Variants in MAGEC3 observed in about 807,000 individuals in gnomAD.
MAGEC3 encodes melanoma-associated antigen C3.
A neutral mutation model predicts 35.3 loss-of-function variants in MAGEC3; 34 were observed. The observed-to-expected ratio is 0.96, with a 90% CI of 0.73 to 1.28. The LOEUF (loss-of-function observed/expected upper bound fraction) is 1.28, where lower values mean the gene tolerates loss of function less well. Ranked by LOEUF, MAGEC3 falls within the 50% of genes most tolerant of loss-of-function variation. MAGEC3 has a pLI of 0.00. For synonymous variants in MAGEC3, 202 were observed against 185.6 expected (o/e 1.09, Z -0.72); for missense variants, 561 against 483.6 (o/e 1.16, Z -1.50).
intron 1 of MAGEC3, among the ~76,000 whole-genome samples, chrX:141,853,958 A>G (rs2017765913): frequency 9.0e-6 from 1 of 111,477 alleles, no homozygotes; most frequent in Admixed American, 9.6e-5. Context: ...ATAAGGATGT[A>G]TGTGACTTTG....
At chrX:141,860,801 G>T (rs1309920672) in intron 1 of MAGEC3, among the ~76,000 whole-genome samples, 1 of 111,684 alleles carries the variant, frequency 9.0e-6, no homozygotes, top group Non-Finnish European at 1.9e-5. Flanking sequence ...AGGAGTGGTG[G>T]TGGGGAATGT....
At position 141,897,037 on chromosome X, in the gene MAGEC3, C is replaced by T. The variant is rs1454142388; in HGVS notation, c.1279C>T (p.Arg427Ter). 5.8e-6 allele frequency: 7 copies of T among 1,209,134 alleles called. No individual in the cohort carries two copies. The East Asian group carries it at 8.9e-5, about 15-fold the overall frequency. The change falls in exon 7 of 8, where the codon CGA becomes TGA. Residue 427 changes from arginine (R) to a stop codon, truncating the protein, a stop_gained. Coordinates refer to ENST00000298296, the MANE Select transcript of MAGEC3 (RefSeq NM_138702.1). LOFTEE classifies it high-confidence loss of function. ...DSCSSPLLWT[R>*]LDEESSSEEE... ...CTGCTCATCCCCTCTTTTGTGGACC[C>T]GATTGGATGAGGAGTCCAGCAGTGA...
chrX:141,874,835 G>T (rs1271254525), intron 2 of MAGEC3, among the ~76,000 whole-genome samples: 2 of 106,827 alleles, frequency 1.9e-5, no homozygotes, highest in African/African-American at 6.8e-5. Flanking sequence ...AAAAAAAGTA[G>T]ATAAAGAAAA....
chrX:141,860,967 A>T (rs752036773), intron 1 of MAGEC3, among the ~76,000 whole-genome samples: 3 of 111,829 alleles, frequency 2.7e-5, no homozygotes, highest in Non-Finnish European at 5.6e-5. Flanking sequence ...ATTGAGTTGG[A>T]GACCATTTGT....
chrX:141,886,566 T>C (rs1350618957), intron 4 of MAGEC3, among the ~76,000 whole-genome samples: 1 of 111,314 alleles, frequency 9.0e-6, no homozygotes, highest in East Asian at 2.8e-4. Context: ...GACATTTTGG[T>C]CCTCCAGTTA....
At chrX:141,851,823 A>G (rs763677199) in intron 1 of MAGEC3, among the ~76,000 whole-genome samples, 1 of 111,596 alleles carries the variant, frequency 9.0e-6, no homozygotes, top group Non-Finnish European at 1.9e-5. Flanking sequence ...TCAGTATCAT[A>G]CAGTTTTAAT....
intron 1 of MAGEC3, among the ~76,000 whole-genome samples, chrX:141,859,531 T>C (rs183059164): frequency 1.8e-5 from 2 of 111,813 alleles, no homozygotes; most frequent in Admixed American, 1.9e-4. Context: ...CCGTTATCTG[T>C]ATTTTAAAAA....
intron 1 of MAGEC3, among the ~76,000 whole-genome samples, chrX:141,863,693 A>T (rs1332021760): frequency 1.8e-5 from 2 of 111,693 alleles, no homozygotes; most frequent in Non-Finnish European, 3.8e-5. Context: ...AATAAAAAAG[A>T]TATACAGATC....
chrX:141,879,551 G>A, intron 3 of MAGEC3, 120 bp downstream of exon 3: 2 of 895,959 alleles, frequency 2.2e-6, no homozygotes, highest in Non-Finnish European at 1.5e-6. Context: ...GGTGGAGGGG[G>A]CCCAGGAGAT....
At chrX:141,891,765 C>A (rs1480294049) in intron 4 of MAGEC3, among the ~76,000 whole-genome samples, 3 of 103,964 alleles carry the variant, frequency 2.9e-5, no homozygotes, top group Non-Finnish European at 5.8e-5. Context: ...ATAAATATAA[C>A]AAAACATGAG....
chrX:141,844,713 T>C (rs1377964665), intron 1 of MAGEC3, among the ~76,000 whole-genome samples: 1 of 111,294 alleles, frequency 9.0e-6, no homozygotes, highest in African/African-American at 3.2e-5. Flanking sequence ...GTATTCCAGA[T>C]AATTTCTTCA....
chrX:141,885,302 C>G (rs776581433), intron 4 of MAGEC3, among the ~76,000 whole-genome samples: 1 of 109,449 alleles, frequency 9.1e-6, no homozygotes, highest in East Asian at 2.9e-4. Context: ...AGAGTTTAAT[C>G]AGACTGAATT....
chrX:141,874,646 C>T (rs1603068510), intron 2 of MAGEC3, among the ~76,000 whole-genome samples: 1 of 110,121 alleles, frequency 9.1e-6, no homozygotes, highest in Non-Finnish European at 1.9e-5. Context: ...AACAGGATAC[C>T]ACTACACATC....
chrX:141,851,337 C>T (rs1168275845), intron 1 of MAGEC3, among the ~76,000 whole-genome samples: 1 of 109,586 alleles, frequency 9.1e-6, no homozygotes. Context: ...TTGTTTGGCA[C>T]TTTTAATATA....
At chrX:141,858,371 T>G (rs752463117) in intron 1 of MAGEC3, among the ~76,000 whole-genome samples, 1 of 111,023 alleles carries the variant, frequency 9.0e-6, no homozygotes, top group Admixed American at 9.6e-5. Context: ...CACATGGAAT[T>G]TAATGATTTA....
At chrX:141,848,169 A>G (rs1489820456) in intron 1 of MAGEC3, among the ~76,000 whole-genome samples, 4 of 110,001 alleles carry the variant, frequency 3.6e-5, no homozygotes, top group African/African-American at 1.3e-4. Flanking sequence ...ATATAGAGAG[A>G]TATTTATTTT....
intron 1 of MAGEC3, among the ~76,000 whole-genome samples, chrX:141,862,153 C>T (rs2017818751): frequency 1.8e-5 from 2 of 111,300 alleles, no homozygotes; most frequent in African/African-American, 3.3e-5. Flanking sequence ...CCAAAAAAGA[C>T]ATACTAATGG....
chrX:141,871,713 G>C (rs1306599980), intron 2 of MAGEC3, among the ~76,000 whole-genome samples: 1 of 112,006 alleles, frequency 8.9e-6, no homozygotes, highest in Non-Finnish European at 1.9e-5. Context: ...AAAGAATCCA[G>C]ATGCTGTTTG....
intron 6 of MAGEC3, 33 bp from the exon 7 acceptor site, chrX:141,896,849 C>T (rs1023348712): frequency 8.3e-7 from 1 of 1,200,671 alleles, no homozygotes. Flanking sequence ...TTGTCCTCAC[C>T]CTTACCCTCT....
Sources: gnomAD v4.1 joint callset for allele counts (sites outside exome capture counted in the v4.1 genomes callset) on GRCh38, gnomAD v4.1.1 for gene constraint, MANE v1.5 for transcripts, NCBI Gene and HGNC (gene_info 2026-07-23, HGNC 2026-07-21) for gene names.